PCDH9: variants seen among roughly 807,000 people sequenced by gnomAD.
PCDH9 encodes protocadherin-9.
PCDH9 carries 24 observed loss-of-function variants against 70.6 expected under a neutral mutation model. That is an observed-to-expected ratio of 0.34 (90% CI 0.25 to 0.48). The LOEUF is 0.48. PCDH9 is among the 20% of genes least tolerant of loss of function. The pLI, the probability that PCDH9 is intolerant of heterozygous loss-of-function variation, is 0.99. For missense variants in PCDH9, 1,281 were observed against 1,503.6 expected, an observed-to-expected ratio of 0.85 and a Z score of 2.45; for synonymous variants, 562 against 558.5, an observed-to-expected ratio of 1.01 and a Z score of -0.09.
At chr13:67,101,049 G>A (rs1233806996) in intron 2 of PCDH9, among the ~76,000 whole-genome samples, 1 of 152,190 alleles carries the variant, frequency 6.6e-6, no homozygotes, top group Non-Finnish European at 1.5e-5. Context: ...TTCAGCAGCA[G>A]AAGGCAGAAT....
At chr13:66,565,814 T>C (rs2076644507) in intron 4 of PCDH9, among the ~76,000 whole-genome samples, 1 of 152,188 alleles carries the variant, frequency 6.6e-6, no homozygotes, top group African/African-American at 2.4e-5. Flanking sequence ...GATATAAATA[T>C]AAAGGGATTT....
intron 3 of PCDH9, among the ~76,000 whole-genome samples, chr13:66,895,973 G>A (rs556390347): frequency 3.9e-5 from 6 of 152,228 alleles, no homozygotes; most frequent in African/African-American, 1.4e-4. Context: ...TGTGGCACAC[G>A]GAGTGGCTTC....
chr13:66,308,340 G>C (rs914739868), intron 4 of PCDH9, among the ~76,000 whole-genome samples: 6 of 151,848 alleles, frequency 4.0e-5, no homozygotes, highest in Non-Finnish European at 8.8e-5. Context: ...CTTGTTCTTT[G>C]TACATTGTAC....
At chr13:66,972,429 G>C (rs566982402) in intron 2 of PCDH9, among the ~76,000 whole-genome samples, 2 of 151,762 alleles carry the variant, frequency 1.3e-5, no homozygotes, top group East Asian at 1.9e-4. Context: ...CCTATTTTTT[G>C]ATGGACCTTT....
intron 3 of PCDH9, among the ~76,000 whole-genome samples, chr13:66,794,756 T>C (rs1345202466): frequency 6.6e-6 from 1 of 152,194 alleles, no homozygotes; most frequent in Non-Finnish European, 1.5e-5. Flanking sequence ...TATTTCACTA[T>C]AAAGTTCTTG....
intron 3 of PCDH9, among the ~76,000 whole-genome samples, chr13:66,873,918 C>CTTTTTTTTTTTTTTTTTTTCTTTTTT (rs796944538): frequency 7.7e-6 from 1 of 130,140 alleles, no homozygotes; most frequent in Non-Finnish European, 1.7e-5. Context: ...CTTTTCGTTT[C>CTTTTTTTTTTTTTTTTTTTCTTTTTT]TTTTTTTTTT....
At chr13:66,937,165 C>G (rs2082929800) in intron 2 of PCDH9, among the ~76,000 whole-genome samples, 1 of 152,172 alleles carries the variant, frequency 6.6e-6, no homozygotes, top group African/African-American at 2.4e-5. Flanking sequence ...ATGTGCCATA[C>G]ATTTGGCTAT....
intron 4 of PCDH9, among the ~76,000 whole-genome samples, chr13:66,324,285 C>T (rs140369925): frequency 0.022 from 3,304 of 151,910 alleles, 61 homozygotes; most frequent in Middle Eastern, 0.048. Flanking sequence ...CTCCCCTTCA[C>T]GAGACAAAAA....
At chr13:66,626,571 C>T (rs1056205295) in intron 4 of PCDH9, among the ~76,000 whole-genome samples, 6 of 151,904 alleles carry the variant, frequency 3.9e-5, no homozygotes, top group African/African-American at 1.2e-4. Flanking sequence ...TTGATGATAA[C>T]GATCCTCTGG....
intron 2 of PCDH9, among the ~76,000 whole-genome samples, chr13:67,084,981 A>AT: frequency 1.4e-5 from 1 of 69,578 alleles, no homozygotes; most frequent in Non-Finnish European, 2.8e-5. Context: ...AAAAAAAAAA[A>AT]AAAAAAAAAA....
intron 2 of PCDH9, among the ~76,000 whole-genome samples, chr13:67,170,300 A>G (rs915034627): frequency 6.6e-6 from 1 of 152,212 alleles, no homozygotes; most frequent in Admixed American, 6.5e-5. Context: ...ATAGCTGTAG[A>G]TAACACCTGT....
chr13:67,194,961 T>A (rs576149236), intron 2 of PCDH9, among the ~76,000 whole-genome samples: 7 of 152,166 alleles, frequency 4.6e-5, no homozygotes, highest in Non-Finnish European at 1.0e-4. Context: ...ACAATGGATG[T>A]GTTTTGTGTC....
chr13:66,845,437 G>A (rs994619623), intron 3 of PCDH9, among the ~76,000 whole-genome samples: 2 of 152,232 alleles, frequency 1.3e-5, no homozygotes, highest in African/African-American at 2.4e-5. Flanking sequence ...AGGCTAAGCA[G>A]CAGGACCAGG....
intron 2 of PCDH9, among the ~76,000 whole-genome samples, chr13:66,943,778 G>A (rs1485608816): frequency 6.6e-6 from 1 of 152,038 alleles, no homozygotes; most frequent in Non-Finnish European, 1.5e-5. Flanking sequence ...CAATTCATCT[G>A]TATCGGCATG....
intron 2 of PCDH9, among the ~76,000 whole-genome samples, chr13:66,999,401 G>A (rs1466870169): frequency 1.3e-5 from 2 of 152,042 alleles, no homozygotes; most frequent in East Asian, 1.9e-4. Flanking sequence ...AAGGTTCTAT[G>A]TTCTTTGAAT....
At chr13:66,444,724 C>A (rs1238711212) in intron 4 of PCDH9, among the ~76,000 whole-genome samples, 1 of 151,872 alleles carries the variant, frequency 6.6e-6, no homozygotes, top group Non-Finnish European at 1.5e-5. Flanking sequence ...CCAGGCCTGG[C>A]TAATTTTTGT....
At chr13:66,847,156 AGATT>A (rs1159572670) in intron 3 of PCDH9, among the ~76,000 whole-genome samples, 1 of 152,194 alleles carries the variant, frequency 6.6e-6, no homozygotes, top group African/African-American at 2.4e-5. Context: ...GTCACCAAAA[AGATT>A]GATTTAAAAT....
At chr13:66,930,862 C>A (rs2139660851) in intron 2 of PCDH9, among the ~76,000 whole-genome samples, 1 of 152,090 alleles carries the variant, frequency 6.6e-6, no homozygotes, top group African/African-American at 2.4e-5. Context: ...AAACAAATTT[C>A]CTTTTTATGA....
At chr13:66,932,099 A>T (rs971240313) in intron 2 of PCDH9, among the ~76,000 whole-genome samples, 1 of 152,122 alleles carries the variant, frequency 6.6e-6, no homozygotes, top group East Asian at 1.9e-4. Context: ...ACAGGAAGGA[A>T]ATTGTGCAGT....
Sources: gnomAD v4.1 joint callset for allele counts (sites outside exome capture counted in the v4.1 genomes callset) on GRCh38, gnomAD v4.1.1 for gene constraint, MANE v1.5 for transcripts, NCBI Gene and HGNC (gene_info 2026-07-23, HGNC 2026-07-21) for gene names.